CCDC60: variants seen among roughly 807,000 people sequenced by gnomAD.
CCDC60 encodes coiled-coil domain-containing protein 60.
In CCDC60, 54 loss-of-function variants were observed where a neutral mutation model predicts 63.5. The observed-to-expected ratio is 0.85, with a 90% CI of 0.68 to 1.07. The LOEUF is 1.07. Ranked by LOEUF, CCDC60 falls within the 50% of genes least tolerant of loss-of-function variation. The pLI is 0.00. For missense variants in CCDC60, 651 were observed against 684.3 expected (o/e 0.95, Z 0.54); for synonymous variants, 206 against 238.8 (o/e 0.86, Z 1.27).
At chr12:119,402,250 C>T (rs1163682150) in intron 1 of CCDC60, 2 of 152,180 alleles carry the variant, frequency 1.3e-5, no homozygotes, top group African/African-American at 4.8e-5. Context: ...TGCCAAAGAC[C>T]CTGGCTGGTG....
At position 119,472,072 on chromosome 12, in the gene CCDC60, A is replaced by G. The variant is rs774378976; in HGVS notation, c.249A>G (p.Gln83=). The change falls in exon 3 of 14, where the codon CAA becomes CAG. Residue 83 remains glutamine, a synonymous_variant. Transcript: ENST00000327554. ...LREETAKKKK[Q]QQLQKLKEEE... ...AAGAGACTGCAAAGAAAAAGAAGCA[A>G]CAACAACTTCAGAAACTGAAAGAGG... 6.2e-7 allele frequency: 1 copy of G among 1,614,114 alleles called. No homozygotes were observed. The highest frequency in any genetic ancestry group is 1.7e-5 in the Admixed American group (1 of 60,022).
At chr12:119,438,799 G>T (rs1236199004) in intron 2 of CCDC60, among the ~76,000 whole-genome samples, 2 of 152,138 alleles carry the variant, frequency 1.3e-5, no homozygotes, top group Admixed American at 6.5e-5. Context: ...ACCTTGGGCT[G>T]GTCATTTCAC....
At chr12:119,425,199 T>C (rs1205952440) in intron 1 of CCDC60, among the ~76,000 whole-genome samples, 1 of 152,222 alleles carries the variant, frequency 6.6e-6, no homozygotes, top group Non-Finnish European at 1.5e-5. Context: ...TTTATAAATA[T>C]GCTTAGTTCA....
At chr12:119,491,097 T>C (rs955136311) in intron 5 of CCDC60, among the ~76,000 whole-genome samples, 4 of 152,238 alleles carry the variant, frequency 2.6e-5, no homozygotes, top group Non-Finnish European at 5.9e-5. Context: ...TAGGATCATA[T>C]CTGCATATTG....
intron 1 of CCDC60, 42 bp downstream of exon 1, chr12:119,335,308 C>A: frequency 3.5e-6 from 5 of 1,443,204 alleles, no homozygotes; most frequent in Non-Finnish European, 4.8e-6. Context: ...TTTTCGAGAA[C>A]AAGTGAAATA....
At chr12:119,512,036 A>T (rs913674808) in intron 7 of CCDC60, among the ~76,000 whole-genome samples, 2 of 152,228 alleles carry the variant, frequency 1.3e-5, no homozygotes, top group Non-Finnish European at 2.9e-5. Flanking sequence ...CTTAATGCTG[A>T]CATTTATCAC....
Position 119,400,194 on chromosome 12 carries a change from C to T in CCDC60, c.91-28489C>T, listed in dbSNP as rs563113324. Among the ~76,000 whole-genome samples, 7 of 152,244 alleles carry T rather than the reference C, an allele frequency of 4.6e-5. No homozygotes were observed. The South Asian group carries it at 8.3e-4, about 18-fold the overall frequency. ...CCTCCCGAGTAGCTGGGACTACAGG[C>T]GCCAGCCACCACGCCCGGCTAATTT... On this transcript the variant is annotated intron_variant, in intron 1 of 13. Coordinates refer to ENST00000327554, the MANE Select transcript of CCDC60 (RefSeq NM_178499.5).
intron 1 of CCDC60, among the ~76,000 whole-genome samples, chr12:119,354,009 A>ACT (rs758106724): frequency 7.0e-6 from 1 of 142,454 alleles, no homozygotes; most frequent in Admixed American, 6.9e-5. Flanking sequence ...TGTCTTTCTC[A>ACT]CTCTCTCTCA....
intron 3 of CCDC60, among the ~76,000 whole-genome samples, chr12:119,478,233 T>C (rs1044096890): frequency 6.6e-6 from 1 of 152,056 alleles, no homozygotes; most frequent in African/African-American, 2.4e-5. Context: ...GAGAATTGCT[T>C]GAACCTAGGA....
intron 1 of CCDC60, among the ~76,000 whole-genome samples, chr12:119,382,410 A>G (rs1956016539): frequency 2.6e-5 from 4 of 152,210 alleles, no homozygotes; most frequent in Non-Finnish European, 4.4e-5. Flanking sequence ...CTTCATCCCA[A>G]TAAGTCCTGA....
intron 11 of CCDC60, among the ~76,000 whole-genome samples, chr12:119,527,869 G>T (rs1165622283): frequency 6.6e-6 from 1 of 151,190 alleles, no homozygotes; most frequent in African/African-American, 2.4e-5. Context: ...TTTTAGTAGA[G>T]ACGGGGTTTC....
chr12:119,464,288 G>A (rs1266049902), intron 2 of CCDC60, among the ~76,000 whole-genome samples: 5 of 111,976 alleles, frequency 4.5e-5, no homozygotes, highest in Admixed American at 9.5e-5. Context: ...CCAGAGTTGG[G>A]TTGCAAGAGC....
At chr12:119,376,419 G>A (rs1456634129) in intron 1 of CCDC60, among the ~76,000 whole-genome samples, 1 of 152,154 alleles carries the variant, frequency 6.6e-6, no homozygotes, top group Non-Finnish European at 1.5e-5. Context: ...CTTGAGTCCA[G>A]GAGTTTGAAA....
At chr12:119,479,774 G>C (rs1465270193) in intron 4 of CCDC60, 1 of 152,216 alleles carries the variant, frequency 6.6e-6, no homozygotes, top group East Asian at 1.9e-4. Flanking sequence ...AGGGATACAA[G>C]CTTCTGACTT....
At chr12:119,471,151 G>A (rs1951048456) in intron 2 of CCDC60, among the ~76,000 whole-genome samples, 1 of 152,208 alleles carries the variant, frequency 6.6e-6, no homozygotes, top group Admixed American at 6.5e-5. Flanking sequence ...AGGGAGGTGT[G>A]TAGCCCATCA....
At chr12:119,488,311 AGTTT>A (rs2136374138) in intron 4 of CCDC60, among the ~76,000 whole-genome samples, 1 of 152,244 alleles carries the variant, frequency 6.6e-6, no homozygotes, top group Non-Finnish European at 1.5e-5. Context: ...ACACACTCTT[AGTTT>A]ATTTATTGTA....
At chr12:119,428,802 A>C in intron 2 of CCDC60, 40 bp downstream of exon 2, 1 of 1,368,292 alleles carries the variant, frequency 7.3e-7, no homozygotes, top group Non-Finnish European at 1.0e-6. Flanking sequence ...AGACAACCCA[A>C]CAGGCATGAG....
At chr12:119,397,768 A>G (rs1215975895) in intron 1 of CCDC60, among the ~76,000 whole-genome samples, 2 of 28,326 alleles carry the variant, frequency 7.1e-5, no homozygotes, top group Non-Finnish European at 1.2e-4. Context: ...AGCAGGGGGC[A>G]GCGCCCGTCA....
intron 1 of CCDC60, among the ~76,000 whole-genome samples, chr12:119,393,181 G>A (rs1208402099): frequency 2.0e-5 from 3 of 152,142 alleles, no homozygotes; most frequent in Admixed American, 2.0e-4. Context: ...AAAGAATTCT[G>A]AGGGTTGCCA....
Sources: gnomAD v4.1 joint callset for allele counts (sites outside exome capture counted in the v4.1 genomes callset) on GRCh38, gnomAD v4.1.1 for gene constraint, MANE v1.5 for transcripts, NCBI Gene and HGNC (gene_info 2026-07-23, HGNC 2026-07-21) for gene names.